PADI4: variants seen among roughly 807,000 people sequenced by gnomAD.
The protein encoded by PADI4 is peptidyl arginine deiminase 4.
In PADI4, 62 loss-of-function variants were observed where a neutral mutation model predicts 75.0. That is an observed-to-expected ratio of 0.83 (90% CI 0.67 to 1.02). The LOEUF is 1.02. PADI4 is among the 50% of genes least tolerant of loss of function. The pLI, the probability that PADI4 is intolerant of heterozygous loss-of-function variation, is 0.00. For missense variants in PADI4, 845 were observed against 850.5 expected (o/e 0.99, Z 0.08); for synonymous variants, 361 against 348.1 (o/e 1.04, Z -0.41).
chr1:17,327,067 T>C (rs993338732), intron 1 of PADI4, among the ~76,000 whole-genome samples: 3 of 152,048 alleles, frequency 2.0e-5, no homozygotes, highest in African/African-American at 7.2e-5. Flanking sequence ...CATGCCACAG[T>C]GCCTGGCTAA....
chr1:17,352,659 G>A (rs530745152), intron 10 of PADI4, among the ~76,000 whole-genome samples: 1 of 152,180 alleles, frequency 6.6e-6, no homozygotes, highest in East Asian at 1.9e-4. Flanking sequence ...GACCTCTGTG[G>A]GTGGCAGGCA....
In PADI4 at chr1:17,309,655, G is replaced by C. The variant is rs552679719; in HGVS notation, c.92+1341G>C. Among the ~76,000 whole-genome samples, 4 of 152,348 alleles carry C rather than the reference G, an allele frequency of 2.6e-5. No individual in the cohort carries two copies. In the East Asian group the frequency reaches 7.7e-4, roughly 29 times the overall value. On this transcript the variant is annotated intron_variant, in intron 1 of 15. Coordinates refer to ENST00000375448, the MANE Select transcript of PADI4 (RefSeq NM_012387.3). ...CCCAGTCTGGGCATCGGTGGCCCTA[G>C]AATGGTGCCCACAGGAGTGCCGGGG...
intron 15 of PADI4, among the ~76,000 whole-genome samples, chr1:17,362,220 A>C (rs141574264): frequency 8.4e-4 from 128 of 152,052 alleles, no homozygotes; most frequent in African/African-American, 2.9e-3. Flanking sequence ...TCTACAAAAA[A>C]CACAAAAATT....
chr1:17,357,092 C>T (rs1178792560), intron 13 of PADI4, among the ~76,000 whole-genome samples: 1 of 152,214 alleles, frequency 6.6e-6, no homozygotes, highest in Non-Finnish European at 1.5e-5. Flanking sequence ...AGCGTTAATG[C>T]AAGGCAAAAT....
Position 17,322,361 on chromosome 1 carries a change from C to T in PADI4, c.93-8608C>T, listed in dbSNP as rs192666043. ...AAAATTAGCCGGGAGTGGTGGCATG[C>T]ACCTGTAGTCCCAGCTACTTGGGAG... On this transcript the variant is annotated intron_variant, in intron 1 of 15. Transcript: ENST00000375448. 5.1e-3 allele frequency among the ~76,000 whole-genome samples: 771 copies of T among 152,192 alleles called. 7 individuals carry two copies. Among genetic ancestry groups the T allele is most frequent in the African/African-American group, 0.017 (714 of 41,522 alleles).
Position 17,331,097 on chromosome 1 carries a change from T to C in PADI4, c.221T>C (p.Val74Ala), listed in dbSNP as rs57969340. Residue 74 changes from valine (V) to alanine (A), a missense_variant, in exon 2 of 16, where the codon GTA (valine) becomes GCA (alanine). Coordinates refer to ENST00000375448, the MANE Select transcript of PADI4 (RefSeq NM_012387.3). ...TCCACATGGCCCCTGGACCCTGGGG[T>C]AGAGGTGACCCTGACGATGAAAGTG... ...GSSTWPLDPG[V>A]EVTLTMKVAS... The C allele has an allele frequency of 1.1e-3, 1,790 of 1,612,070 alleles. 18 individuals are homozygous for C. In the African/African-American group the frequency reaches 0.02, roughly 18 times the overall value.
chr1:17,356,573 C>T lies in PADI4; in HGVS notation c.1558+114C>T, dbSNP rs374076443. 9.7e-5 allele frequency: 64 copies of T among 660,616 alleles called. No homozygotes were observed. Among genetic ancestry groups the T allele is most frequent in the African/African-American group, 5.6e-4 (31 of 55,216 alleles). 40.9% of individuals were successfully genotyped at this position (660,616 alleles called of 1,614,324 possible). A position where few individuals can be genotyped will look rare whatever the true frequency, so the allele number is the denominator to read the frequency against. On this transcript the variant is annotated intron_variant, in intron 13 of 15. Coordinates refer to ENST00000375448, the MANE Select transcript of PADI4 (RefSeq NM_012387.3). The surrounding 1 kb of genome is among the most constrained non-coding windows in gnomAD (Gnocchi z 4.1). Reference sequence around the variant, plus strand: ...GGGTAGCATCTGAGCACCTACTGTGCGCCAGGCACTGTGCCAAGTGCTAGG... The same window carrying T: ...GGGTAGCATCTGAGCACCTACTGTGTGCCAGGCACTGTGCCAAGTGCTAGG...
intron 9 of PADI4, among the ~76,000 whole-genome samples, chr1:17,347,555 G>A (rs2074538540): frequency 6.6e-6 from 1 of 152,070 alleles, no homozygotes; most frequent in Non-Finnish European, 1.5e-5. Flanking sequence ...TGCATCAGGA[G>A]CCCCTCCTCT....
At chr1:17,326,117 C>T (rs924655570) in intron 1 of PADI4, among the ~76,000 whole-genome samples, 1 of 151,996 alleles carries the variant, frequency 6.6e-6, no homozygotes, top group Non-Finnish European at 1.5e-5. Flanking sequence ...AAAAAATCTG[C>T]TTTATCTTCA....
In PADI4 at chr1:17,347,203, C is replaced by G. The variant is rs139784204; in HGVS notation, c.1048-738C>G. ...CCACCCACCTCAGCCTCCCAAAGTGCTGGGCTTACAGGCATGAGTTACTGC... is the reference window on the plus strand; with the variant it reads ...CCACCCACCTCAGCCTCCCAAAGTGGTGGGCTTACAGGCATGAGTTACTGC... On this transcript the variant is annotated intron_variant, in intron 9 of 15. Transcript: ENST00000375448. Among the ~76,000 whole-genome samples, 1,475 of 152,300 alleles carry G rather than the reference C, an allele frequency of 9.7e-3. 7 individuals carry two copies. The highest frequency in any genetic ancestry group is 0.014 in the Non-Finnish European group (979 of 68,030).
intron 8 of PADI4, 64 bp downstream of exon 8, chr1:17,342,466 A>G (rs2074440814): frequency 3.1e-6 from 3 of 970,542 alleles, no homozygotes; most frequent in East Asian, 4.9e-5. Flanking sequence ...CATCCGCAGC[A>G]CTCACTGTGT....
At chr1:17,323,982 C>G (rs2074076724) in intron 1 of PADI4, among the ~76,000 whole-genome samples, 1 of 152,082 alleles carries the variant, frequency 6.6e-6, no homozygotes, top group South Asian at 2.1e-4. Flanking sequence ...ATTAGCTATT[C>G]TTTTGTGGGT....
chr1:17,342,254 G>A (rs879783494), intron 7 of PADI4, 45 bp from the exon 8 acceptor site: 1 of 1,433,830 alleles, frequency 7.0e-7, no homozygotes, highest in Non-Finnish European at 9.8e-7. Context: ...GCTGGGCCCT[G>A]GCAGCGGTGA....
intron 1 of PADI4, among the ~76,000 whole-genome samples, chr1:17,327,747 C>T (rs957889156): frequency 7.9e-5 from 12 of 151,778 alleles, no homozygotes; most frequent in Admixed American, 3.9e-4. Flanking sequence ...GCTTTTGCCA[C>T]GTTGGCCAGG....
At chr1:17,361,425 G>A (rs2074846510) in intron 15 of PADI4, among the ~76,000 whole-genome samples, 1 of 152,218 alleles carries the variant, frequency 6.6e-6, no homozygotes, top group South Asian at 2.1e-4. Context: ...GGGAGTCTGA[G>A]CATGAGACCA....
intron 1 of PADI4, among the ~76,000 whole-genome samples, chr1:17,311,723 C>T (rs912994931): frequency 6.6e-6 from 1 of 152,052 alleles, no homozygotes; most frequent in Non-Finnish European, 1.5e-5. Flanking sequence ...GACGGTGTTT[C>T]ACCGTGTTAG....
At chr1:17,331,208 C>T in intron 2 of PADI4, 59 bp downstream of exon 2, 1 of 1,425,674 alleles carries the variant, frequency 7.0e-7, no homozygotes, top group Non-Finnish European at 9.8e-7. Flanking sequence ...CAGCCACACA[C>T]ACTCTGTCCT....
Position 17,356,562 on chromosome 1 carries a change from C to A in PADI4, c.1558+103C>A. 1.4e-6 allele frequency: 1 copy of A among 694,480 alleles called. No homozygotes were observed. Among genetic ancestry groups the A allele is most frequent in the Non-Finnish European group, 2.5e-6 (1 of 392,218 alleles). The allele number at this position is 694,480 out of a possible 1,614,324, so 43.0% of individuals were successfully genotyped here. On this transcript the variant is annotated intron_variant, in intron 13 of 15. Coordinates refer to ENST00000375448, the MANE Select transcript of PADI4 (RefSeq NM_012387.3). The surrounding 1 kb of genome is among the most constrained non-coding windows in gnomAD (Gnocchi z 4.1). Reference sequence around the variant, plus strand: ...TCCAGGCAATAGGGTAGCATCTGAGCACCTACTGTGCGCCAGGCACTGTGC... The same window carrying A: ...TCCAGGCAATAGGGTAGCATCTGAGAACCTACTGTGCGCCAGGCACTGTGC...
chr1:17,349,741 C>CA lies in PADI4; in HGVS notation c.1155+1699dup, dbSNP rs548756900. Among the ~76,000 whole-genome samples, 562 of 110,232 alleles carry CA rather than the reference C, an allele frequency of 5.1e-3. 46 individuals carry two copies. Among genetic ancestry groups the CA allele is most frequent in the African/African-American group, 0.015 (547 of 36,536 alleles). The allele number at this position is 110,232 out of a possible 152,430, so 72.3% of individuals were successfully genotyped here. A position where few individuals can be genotyped will look rare whatever the true frequency, so the allele number is the denominator to read the frequency against. On this transcript the variant is annotated intron_variant, in intron 10 of 15. Coordinates refer to ENST00000375448, the MANE Select transcript of PADI4 (RefSeq NM_012387.3). ...AAGAAAGAAAAAGAAAAAACAACAACAAAAAACACCCAAATCACTCAGAAT... is the reference window on the plus strand; with the variant it reads ...AAGAAAGAAAAAGAAAAAACAACAACAAAAAAACACCCAAATCACTCAGAAT...
Sources: allele counts gnomAD v4.1 joint callset (sites outside exome capture counted in the v4.1 genomes callset), GRCh38; gene constraint gnomAD v4.1.1; non-coding constraint Gnocchi (gnomAD v3.1); transcripts MANE v1.5; gene names NCBI Gene and HGNC (gene_info 2026-07-23, HGNC 2026-07-21).